Variants in PPRC1 observed in about 807,000 individuals in gnomAD.
The protein encoded by PPRC1 is peroxisome proliferator-activated receptor gamma coactivator-related protein 1.
In PPRC1, 23 loss-of-function variants were observed where a neutral mutation model predicts 132.5. The observed-to-expected ratio is 0.17, with a 90% CI of 0.12 to 0.25. PPRC1 has a LOEUF of 0.25. Among genes scored for constraint, PPRC1 ranks in the 10% least tolerant of loss-of-function variants. PPRC1 has a pLI of 1.00. For synonymous variants in PPRC1, 872 were observed against 833.5 expected (o/e 1.05, Z -0.80); for missense variants, 2,006 against 2,089.1 (o/e 0.96, Z 0.78).
In PPRC1 at chr10:102,148,531, TG is replaced by T; in HGVS notation, c.4550+11del. Reference sequence around the variant, plus strand: ...GTGACAGGAGGCGGCGGTGAGCATGTGTTCAGGGAGCGCCATGCACCTGGGA... The same window carrying T: ...GTGACAGGAGGCGGCGGTGAGCATGTTTCAGGGAGCGCCATGCACCTGGGA... On this transcript the variant is annotated intron_variant, in intron 10 of 13. Transcript: ENST00000278070. The surrounding 1 kb of genome is among the most constrained non-coding windows in gnomAD (Gnocchi z 4.2). The T allele has an allele frequency of 6.2e-7, 1 of 1,612,850 alleles. No homozygotes were observed. The highest frequency in any genetic ancestry group is 8.5e-7 in the Non-Finnish European group (1 of 1,178,794).
the PPRC1 span, chr10:102,120,528 T>G: frequency 3.4e-6 from 1 of 291,854 alleles, no homozygotes; most frequent in South Asian, 1.3e-4. Context: ...AATATGCTAA[T>G]TGTCCTGCTA....
the PPRC1 span, among the ~76,000 whole-genome samples, chr10:102,122,504 G>A: frequency 6.7e-6 from 1 of 149,460 alleles, no homozygotes; most frequent in Admixed American, 6.8e-5. Context: ...TTCCAAGAGA[G>A]GAGGGGGCTG....
chr10:102,147,944 A>G (rs1056296302), intron 9 of PPRC1, among the ~76,000 whole-genome samples: 1 of 152,130 alleles, frequency 6.6e-6, no homozygotes, highest in African/African-American at 2.4e-5. Context: ...TCTAGCAGTT[A>G]ACCTCTCTCA....
At chr10:102,147,473 G>C (rs140314941) in intron 9 of PPRC1, 81 bp downstream of exon 9, 1 of 1,455,532 alleles carries the variant, frequency 6.9e-7, no homozygotes, top group African/African-American at 1.4e-5. Flanking sequence ...GCTTTTACCC[G>C]TTGACTTTGG....
At chr10:102,138,468 G>A in intron 2 of PPRC1, 151 bp from the exon 3 acceptor site, 1 of 953,944 alleles carries the variant, frequency 1.0e-6, no homozygotes, top group South Asian at 1.7e-5. Flanking sequence ...AGCTGAGATT[G>A]GAATCCATGC....
At position 102,133,235 on chromosome 10, in the gene PPRC1, T is replaced by C; in HGVS notation, c.153+14T>C. ...GGCGGCGAGCAGGTGAGAGGTTGGC[T>C]GGCGGCCCGCGACAGGCAGCAAAGC... is the stretch of plus-strand genomic sequence containing the variant. On this transcript the variant is annotated intron_variant, in intron 1 of 13. Coordinates refer to ENST00000278070, the MANE Select transcript of PPRC1 (RefSeq NM_015062.5). 1 of 1,277,288 alleles carries C rather than the reference T, an allele frequency of 7.8e-7. No individual in the cohort carries two copies. Among genetic ancestry groups the C allele is most frequent in the Non-Finnish European group, 9.9e-7 (1 of 1,005,482 alleles). 79.1% of individuals were successfully genotyped at this position (1,277,288 alleles called of 1,614,324 possible).
the PPRC1 span, among the ~76,000 whole-genome samples, chr10:102,125,131 C>T: frequency 6.6e-6 from 1 of 152,160 alleles, no homozygotes; most frequent in South Asian, 2.1e-4. Context: ...CTCGCTCTGT[C>T]ACCAGGCTGA....
chr10:102,133,119 G>T lies in PPRC1; in HGVS notation c.51G>T (p.Gly17=). 4 of 1,247,066 alleles carry T rather than the reference G, an allele frequency of 3.2e-6. No individual in the cohort carries two copies. Among genetic ancestry groups the T allele is most frequent in the Non-Finnish European group, 3.0e-6 (3 of 989,244 alleles). 77.3% of individuals were successfully genotyped at this position (1,247,066 alleles called of 1,614,324 possible). A position where few individuals can be genotyped will look rare whatever the true frequency, so the allele number is the denominator to read the frequency against. ...RRDGVAPPPS[G]GPGPDPGGGA... is the part of the protein sequence containing the mutation. Reference sequence around the variant, plus strand: ...ACGGAGTCGCGCCGCCCCCGAGTGGGGGCCCCGGTCCGGACCCTGGCGGGG... The same window carrying T: ...ACGGAGTCGCGCCGCCCCCGAGTGGTGGCCCCGGTCCGGACCCTGGCGGGG... Residue 17 remains glycine, a synonymous_variant, in exon 1 of 14, where the codon GGG becomes GGT. Transcript: ENST00000278070.
At chr10:102,120,752 C>A in the PPRC1 span, among the ~76,000 whole-genome samples, 1 of 152,110 alleles carries the variant, frequency 6.6e-6, no homozygotes, top group Non-Finnish European at 1.5e-5. Context: ...GCTCGGTGTC[C>A]GTCCTCCGGG....
chr10:102,136,902 G>A (rs1290961374), intron 1 of PPRC1, among the ~76,000 whole-genome samples: 1 of 152,188 alleles, frequency 6.6e-6, no homozygotes, highest in African/African-American at 2.4e-5. Context: ...AATGCTGCTA[G>A]TTCTTAGAGG....
chr10:102,130,595 C>T (rs188143204), upstream of PPRC1, among the ~76,000 whole-genome samples: 3 of 151,998 alleles, frequency 2.0e-5, no homozygotes, highest in East Asian at 1.9e-4. Context: ...ATTAGCTGGG[C>T]GTGGTGGCAC....
In PPRC1 at chr10:102,148,773, C is replaced by T; in HGVS notation, c.4618-44C>T. ...CTCAGAGAGCTGCCTGCAGCTGTAG[C>T]CCTGGCTAATGGTGTGTTGATTTTT... On this transcript the variant is annotated intron_variant, in intron 11 of 13. Transcript: ENST00000278070. The surrounding 1 kb of genome is among the most constrained non-coding windows in gnomAD (Gnocchi z 4.2). The T allele has an allele frequency of 1.2e-6, 2 of 1,614,102 alleles. No individual in the cohort carries two copies. Among genetic ancestry groups the T allele is most frequent in the Non-Finnish European group, 1.7e-6 (2 of 1,179,994 alleles).
At chr10:102,132,415 G>A (rs1381592431), upstream of PPRC1, among the ~76,000 whole-genome samples, 1 of 152,242 alleles carries the variant, frequency 6.6e-6, no homozygotes, top group East Asian at 1.9e-4. Flanking sequence ...TGAGGTTCAA[G>A]TATTCCAGGT....
Position 102,140,026 on chromosome 10 carries a change from A to C in PPRC1, c.1518A>C (p.Glu506Asp). 6.2e-7 allele frequency: 1 copy of C among 1,614,254 alleles called. No homozygotes were observed. Among genetic ancestry groups the C allele is most frequent in the South Asian group, 1.1e-5 (1 of 91,088 alleles). The change falls in exon 5 of 14, where the codon GAA (glutamate) becomes GAC (aspartate). Residue 506 changes from glutamate to aspartate, a missense_variant. Coordinates refer to ENST00000278070, the MANE Select transcript of PPRC1 (RefSeq NM_015062.5). Reference sequence around the variant, plus strand: ...ACAACTTGCAGAAACAGCCTCAGGAAGAACTTCAAAAAGAGTCTGGGCCTC... The same window carrying C: ...ACAACTTGCAGAAACAGCCTCAGGACGAACTTCAAAAAGAGTCTGGGCCTC... ...QVDNLQKQPQ[E>D]ELQKESGPLQ...
intron 9 of PPRC1, among the ~76,000 whole-genome samples, chr10:102,147,824 C>T (rs953474518): frequency 2.6e-5 from 4 of 152,220 alleles, no homozygotes; most frequent in Non-Finnish European, 5.9e-5. Context: ...ATGGCCTCAT[C>T]TATTTCCTGG....
In PPRC1 at chr10:102,138,079, T is replaced by G. The variant is rs745997402; in HGVS notation, c.342+41T>G. 14 of 1,587,826 alleles carry G rather than the reference T, an allele frequency of 8.8e-6. No homozygotes were observed. The Admixed American group carries it at 1.9e-4, about 22-fold the overall frequency. ...ACTCTGAAATCTTCAAGCAGGAGGTTTACATGGGAGGTTCTAGCTCAAATT... is the reference window on the plus strand; with the variant it reads ...ACTCTGAAATCTTCAAGCAGGAGGTGTACATGGGAGGTTCTAGCTCAAATT... On this transcript the variant is annotated intron_variant, in intron 2 of 13. Transcript: ENST00000278070.
intron 7 of PPRC1, 84 bp from the exon 8 acceptor site, chr10:102,144,936 C>A (rs977220015): frequency 1.8e-5 from 20 of 1,114,274 alleles, no homozygotes; most frequent in East Asian, 2.4e-5. Context: ...GCACCCACCC[C>A]CTCCCATTGA....
chr10:102,124,230 A>G, the PPRC1 span, among the ~76,000 whole-genome samples: 1 of 151,376 alleles, frequency 6.6e-6, no homozygotes, highest in African/African-American at 2.4e-5. Flanking sequence ...ACACCTGGCT[A>G]ATTTTTGTAT....
Position 102,139,450 on chromosome 10 carries a change from A to G in PPRC1, c.942A>G (p.Pro314=), listed in dbSNP as rs1437400485. Residue 314 remains proline, a synonymous_variant, in exon 5 of 14, where the codon CCA becomes CCG. Coordinates refer to ENST00000278070, the MANE Select transcript of PPRC1 (RefSeq NM_015062.5). ...SLSELVRAMH[P]YCLPNLTHLA... ...GTGAGCTGGTGCGGGCCATGCACCCATACTGCCTGCCCAACCTCACCCACC... is the reference window on the plus strand; with the variant it reads ...GTGAGCTGGTGCGGGCCATGCACCCGTACTGCCTGCCCAACCTCACCCACC... 3 of 1,613,942 alleles carry G rather than the reference A, an allele frequency of 1.9e-6. No homozygotes were observed. In the Admixed American group the frequency reaches 5.0e-5, roughly 27 times the overall value.
Sources: gnomAD v4.1 joint callset for allele counts (sites outside exome capture counted in the v4.1 genomes callset) on GRCh38, gnomAD v4.1.1 for gene constraint, Gnocchi (gnomAD v3.1) non-coding constraint, MANE v1.5 for transcripts, NCBI Gene and HGNC (gene_info 2026-07-23, HGNC 2026-07-21) for gene names.